Variants in CASZ1 observed in about 807,000 individuals in gnomAD.
CASZ1 encodes the protein castor zinc finger 1, also known as zinc finger protein castor homolog 1.
CASZ1 carries 28 observed loss-of-function variants against 135.2 expected under a neutral mutation model. That is an observed-to-expected ratio of 0.21 (90% CI 0.15 to 0.28). The LOEUF is 0.28. Ranked by LOEUF, CASZ1 falls within the 10% of genes least tolerant of loss-of-function variation. The pLI is 1.00. For missense variants in CASZ1, 2,161 were observed against 2,453.3 expected (o/e 0.88, Z 2.52); for synonymous variants, 1,068 against 1,073.4 (o/e 0.99, Z 0.10).
Position 10,788,874 on chromosome 1 carries a change from A to G in CASZ1, c.-234+7690T>C, listed in dbSNP as rs370023826. 1.3e-4 allele frequency among the ~76,000 whole-genome samples: 20 copies of G among 152,342 alleles called. No homozygotes were observed. The highest frequency in any genetic ancestry group is 4.8e-4 in the African/African-American group (20 of 41,594). On this transcript the variant is annotated intron_variant, in intron 1 of 20. Coordinates refer to ENST00000377022, the MANE Select transcript of CASZ1 (RefSeq NM_001079843.3). This position sits in a 1 kb window ranked among gnomAD's most constrained non-coding sequence, Gnocchi z 4.1. ...CACAGAGGAGCCCACCAGTGGGGAC[A>G]GAGGGGAAGCCAGCAGCCGCTGCCG...
intron 1 of CASZ1, 136 bp downstream of exon 1, chr1:10,796,428 T>A (rs1221816418): frequency 1.3e-5 from 2 of 149,360 alleles, no homozygotes; most frequent in African/African-American, 4.9e-5. Flanking sequence ...GCTCGCCCGC[T>A]CCCTGCTGCA....
Position 10,654,514 on chromosome 1 carries a change from G to C in CASZ1, c.1743C>G (p.Leu581=). ...HENFHKKNTQ[L]INDGFQRFRA... ...GGAAGCGCTGGAAGCCGTCGTTAAT[G>C]AGCTGGGTATTCTTCTTGTGGAAGT... The change falls in exon 10 of 21, where the codon CTC becomes CTG. Residue 581 remains leucine, a synonymous_variant. Transcript: ENST00000377022. 1 of 1,614,260 alleles carries C rather than the reference G, an allele frequency of 6.2e-7. No homozygotes were observed. Among genetic ancestry groups the C allele is most frequent in the Non-Finnish European group, 8.5e-7 (1 of 1,180,040 alleles).
rs1027875083 is a variant in CASZ1, at chr1:10,762,192, G to A, written c.-233-1335C>T. On this transcript the variant is annotated intron_variant, in intron 1 of 20. Transcript: ENST00000377022. This position sits in a 1 kb window ranked among gnomAD's most constrained non-coding sequence, Gnocchi z 4.1. ...TTCAGCATCAGCTCTGCCCTACCTC[G>A]GCTGGGGCAATGCCACCGAGACCAG... 2.0e-5 allele frequency among the ~76,000 whole-genome samples: 3 copies of A among 151,058 alleles called. No individual in the cohort carries two copies. The highest frequency in any genetic ancestry group is 3.9e-4 in the East Asian group (2 of 5,106).
In CASZ1 at chr1:10,765,495, C is replaced by CACGGCCCACGACGGGT. The variant is rs566234618; in HGVS notation, c.-233-4654_-233-4639dup. 1.5e-3 allele frequency among the ~76,000 whole-genome samples: 232 copies of CACGGCCCACGACGGGT among 152,270 alleles called. 2 individuals are homozygous for CACGGCCCACGACGGGT. The highest frequency in any genetic ancestry group is 5.4e-3 in the African/African-American group (226 of 41,528). On this transcript the variant is annotated intron_variant, in intron 1 of 20. Transcript: ENST00000377022. ...GCTGCATTTTTCATCTGTGATCTCA[C>CACGGCCCACGACGGGT]ACGGCCCACGACGGGTACGCCCAAC...
At chr1:10,740,937 G>A (rs1367572322) in intron 2 of CASZ1, among the ~76,000 whole-genome samples, 1 of 128,492 alleles carries the variant, frequency 7.8e-6, no homozygotes, top group African/African-American at 2.9e-5. Context: ...CAGCCTGGGC[G>A]ACAGGGTGAG....
intron 6 of CASZ1, 75 bp from the exon 7 acceptor site, chr1:10,658,651 G>GGGGCTGCCCA: frequency 2.2e-6 from 3 of 1,357,562 alleles, no homozygotes; most frequent in Non-Finnish European, 3.2e-6. Context: ...CTGGTGGGCA[G>GGGGCTGCCCA]CCCCTGCCCT....
intron 13 of CASZ1, 75 bp from the exon 14 acceptor site, chr1:10,649,512 C>G: frequency 6.7e-7 from 1 of 1,496,558 alleles, no homozygotes; most frequent in Non-Finnish European, 9.0e-7. Flanking sequence ...GAGCAACAGC[C>G]GAAGCTCTGG....
At chr1:10,644,810 T>G in intron 18 of CASZ1, 107 bp downstream of exon 18, 1 of 1,164,708 alleles carries the variant, frequency 8.6e-7, no homozygotes, top group Non-Finnish European at 1.2e-6. Flanking sequence ...ACGTGGAGCC[T>G]GCGGTGGGGA....
At chr1:10,684,935 C>T (rs571377160) in intron 4 of CASZ1, among the ~76,000 whole-genome samples, 34 of 152,340 alleles carry the variant, frequency 2.2e-4, no homozygotes, top group African/African-American at 7.9e-4. Flanking sequence ...CAGCTGCCCA[C>T]GGGGGAGCCC....
Position 10,725,543 on chromosome 1 carries a change from A to C in CASZ1, c.-76-19999T>G, listed in dbSNP as rs1289187101. On this transcript the variant is annotated intron_variant, in intron 2 of 20. Transcript: ENST00000377022. This position sits in a 1 kb window ranked among gnomAD's most constrained non-coding sequence, Gnocchi z 4.4. The stretch of plus-strand genomic sequence containing the variant: ...TAAATTAATTTACAGCCACAACAAA[A>C]AGAGTTCAGAATTTTAATGGTGTTG... 6.6e-6 allele frequency among the ~76,000 whole-genome samples: 1 copy of C among 152,226 alleles called. No homozygotes were observed. The highest frequency in any genetic ancestry group is 1.5e-5 in the Non-Finnish European group (1 of 68,034).
chr1:10,665,275 C>T lies in CASZ1; in HGVS notation c.313G>A (p.Val105Met), dbSNP rs375813828. 1.1e-5 allele frequency: 18 copies of T among 1,611,440 alleles called. No homozygotes were observed. Among genetic ancestry groups the T allele is most frequent in the Middle Eastern group, 1.6e-4 (1 of 6,064 alleles). Residue 105 changes from valine (V) to methionine (M), a missense_variant, in exon 5 of 21, where the codon GTG becomes ATG. Physicochemically the swap from Val to Met is conservative, Grantham distance 21 (BLOSUM62 1). This residue lies in a region of CASZ1 where 590 missense variants were observed against 609.8 expected (regional missense o/e 0.97). Transcript: ENST00000377022. ...EYSEEPAPTPVLGRIAREGLE... is the reference protein window; with the variant it reads ...EYSEEPAPTPMLGRIAREGLE... Reference sequence around the variant, plus strand: ...CCCTCGCGGGCAATCCGCCCCAACACGGGTGTGGGTGCCGGCTCCTCGCTG... The same window carrying T: ...CCCTCGCGGGCAATCCGCCCCAACATGGGTGTGGGTGCCGGCTCCTCGCTG...
At chr1:10,742,838 A>G (rs576832788) in intron 2 of CASZ1, among the ~76,000 whole-genome samples, 2 of 152,230 alleles carry the variant, frequency 1.3e-5, no homozygotes, top group South Asian at 4.2e-4. Flanking sequence ...ACAAAAAATT[A>G]GCCAGGCATG....
In CASZ1 at chr1:10,698,122, C is replaced by T. The variant is rs188574444; in HGVS notation, c.-23-4210G>A. Among the ~76,000 whole-genome samples the T allele has an allele frequency of 2.2e-3, 342 of 152,334 alleles. 2 individuals are homozygous for T. The highest frequency in any genetic ancestry group is 7.6e-3 in the African/African-American group (316 of 41,566). ...AGAGTGGGTGGCGGAGCGAGGGCCGCGCCGAGTGTAAGGCAGACGCAGGGA... is the reference window on the plus strand; with the variant it reads ...AGAGTGGGTGGCGGAGCGAGGGCCGTGCCGAGTGTAAGGCAGACGCAGGGA... On this transcript the variant is annotated intron_variant, in intron 3 of 20. Coordinates refer to ENST00000377022, the MANE Select transcript of CASZ1 (RefSeq NM_001079843.3).
intron 5 of CASZ1, among the ~76,000 whole-genome samples, chr1:10,662,520 ACAGT>A (rs1439888681): frequency 2.0e-5 from 3 of 152,064 alleles, no homozygotes; most frequent in Non-Finnish European, 4.4e-5. Context: ...TCACATGCAC[ACAGT>A]CACACACAAC....
At chr1:10,658,997 A>C (rs1049321070) in intron 6 of CASZ1, among the ~76,000 whole-genome samples, 1 of 152,120 alleles carries the variant, frequency 6.6e-6, no homozygotes, top group African/African-American at 2.4e-5. Flanking sequence ...GCTCCAAGGC[A>C]TGCAGCCCCC....
rs574728900 is a variant in CASZ1, at chr1:10,653,080, G to T, written c.2680+297C>A. On this transcript the variant is annotated intron_variant, in intron 11 of 20. Coordinates refer to ENST00000377022, the MANE Select transcript of CASZ1 (RefSeq NM_001079843.3). ...TGGGAGGGTGAGCAGACAGGGAGGGGGGACCTGCAGTGGCCCCAGGGATGC... is the reference window on the plus strand; with the variant it reads ...TGGGAGGGTGAGCAGACAGGGAGGGTGGACCTGCAGTGGCCCCAGGGATGC... The T allele has an allele frequency of 1.3e-3, 603 of 451,548 alleles. 3 individuals are homozygous for T. Among genetic ancestry groups the T allele is most frequent in the Non-Finnish European group, 1.7e-3 (413 of 242,844 alleles). 28.0% of individuals were successfully genotyped at this position (451,548 alleles called of 1,614,324 possible). A position where few individuals can be genotyped will look rare whatever the true frequency, so the allele number is the denominator to read the frequency against.
At position 10,647,961 on chromosome 1, in the gene CASZ1, T is replaced by A. The variant is rs1348565206; in HGVS notation, c.3337A>T (p.Thr1113Ser). 29 of 1,583,882 alleles carry A rather than the reference T, an allele frequency of 1.8e-5. No individual in the cohort carries two copies. The highest frequency in any genetic ancestry group is 2.5e-5 in the Non-Finnish European group (29 of 1,160,968). The change falls in exon 16 of 21, where the codon ACC becomes TCC. Residue 1113 changes from threonine (T) to serine (S), a missense_variant. By Grantham distance (58) the Thr-to-Ser change is moderately conservative. Coordinates refer to ENST00000377022, the MANE Select transcript of CASZ1 (RefSeq NM_001079843.3). The surrounding 1 kb of genome is among the most constrained non-coding windows in gnomAD (Gnocchi z 4.9). ...TGCTTCCAGGCGAGCAGGGTGGGGG[T>A]GGAGGGCACGGAGGCCGGGCTGGGA... The part of the protein sequence containing the change: ...PAPSPASVPS[T>S]PTLLAWKQLA...
rs1352436955 is a variant in CASZ1 at position 10,639,649 on chromosome 1, T to G, written c.4573A>C (p.Thr1525Pro). 3.7e-6 allele frequency: 6 copies of G among 1,606,382 alleles called. No individual in the cohort carries two copies. The African/African-American group carries it at 4.0e-5, about 11-fold the overall frequency. ...TGCGCCGTGACCTTGGTGCTGTCGG[T>G]GCAGCGGAAGCGGCAGCGCAGGCAG... ...FHCLRCRFRC[T>P]DSTKVTAHRK... The change falls in exon 21 of 21, where the codon ACC (threonine) becomes CCC (proline). Residue 1525 changes from threonine to proline, a missense_variant. Thr to Pro is a conservative substitution (Grantham distance 38, BLOSUM62 -1). This residue lies in a region of CASZ1 where 240 missense variants were observed against 321.4 expected (regional missense o/e 0.75). Coordinates refer to ENST00000377022, the MANE Select transcript of CASZ1 (RefSeq NM_001079843.3). This position sits in a 1 kb window ranked among gnomAD's most constrained non-coding sequence, Gnocchi z 4.0.
chr1:10,705,644 C>A (rs1030697841), intron 2 of CASZ1, 100 bp from the exon 3 acceptor site: 3 of 152,316 alleles, frequency 2.0e-5, no homozygotes, highest in African/African-American at 7.2e-5. Context: ...CTCCCTGCCC[C>A]ACATGGGCTG....
Sources: gnomAD v4.1 joint callset for allele counts (sites outside exome capture counted in the v4.1 genomes callset) on GRCh38, gnomAD v4.1.1 for gene constraint, gnomAD v4.1.1 regional missense constraint, Gnocchi (gnomAD v3.1) non-coding constraint, MANE v1.5 for transcripts, NCBI Gene and HGNC (gene_info 2026-07-23, HGNC 2026-07-21) for gene names.